The following ZNF793 variants were observed in gnomAD, a reference collection of about 807,000 sequenced individuals.
The protein encoded by ZNF793 is zinc finger protein 793.
In ZNF793, 5 loss-of-function variants were observed where a neutral mutation model predicts 12.4. The observed-to-expected ratio is 0.40, with a 90% CI of 0.21 to 0.84. The LOEUF is 0.84. ZNF793 is among the 40% of genes least tolerant of loss of function. The pLI is 0.35. For missense variants in ZNF793, 456 were observed against 495.0 expected, an observed-to-expected ratio of 0.92 and a Z score of 0.75; for synonymous variants, 162 against 172.4, an observed-to-expected ratio of 0.94 and a Z score of 0.47.
intron 2 of ZNF793, among the ~76,000 whole-genome samples, chr19:37,514,979 C>T (rs540623791): frequency 7.2e-4 from 109 of 152,306 alleles, no homozygotes; most frequent in Non-Finnish European, 1.4e-3. Context: ...AATTTGGATA[C>T]TTTCTTAACT....
intron 5 of ZNF793, among the ~76,000 whole-genome samples, chr19:37,526,802 G>A (rs1265916669): frequency 6.6e-6 from 1 of 152,206 alleles, no homozygotes; most frequent in Non-Finnish European, 1.5e-5. Flanking sequence ...TGCTCTCAGA[G>A]CCACTTCGGT....
At chr19:37,511,265 T>A (rs1016844461) in intron 2 of ZNF793, among the ~76,000 whole-genome samples, 9 of 152,232 alleles carry the variant, frequency 5.9e-5, no homozygotes, top group South Asian at 2.1e-4. Context: ...TCCACTTGAT[T>A]GACTCATATT....
intron 5 of ZNF793, among the ~76,000 whole-genome samples, chr19:37,527,631 C>T (rs574791517): frequency 6.6e-6 from 1 of 152,316 alleles, no homozygotes; most frequent in Non-Finnish European, 1.5e-5. Flanking sequence ...CCCCAATCCA[C>T]TGCTTTGCAT....
At chr19:37,528,624 C>G (rs1024638532) in intron 5 of ZNF793, among the ~76,000 whole-genome samples, 1 of 152,170 alleles carries the variant, frequency 6.6e-6, no homozygotes, top group African/African-American at 2.4e-5. Context: ...CCAGGACCTT[C>G]CTAGGCTGGT....
At chr19:37,516,375 T>C (rs112722485) in intron 2 of ZNF793, among the ~76,000 whole-genome samples, 1 of 152,190 alleles carries the variant, frequency 6.6e-6, no homozygotes, top group Admixed American at 6.5e-5. Context: ...CCTCAGGTGA[T>C]CTACCTGCCC....
intron 5 of ZNF793, among the ~76,000 whole-genome samples, chr19:37,532,082 C>T (rs1311074993): frequency 2.7e-5 from 4 of 149,422 alleles, no homozygotes; most frequent in South Asian, 2.1e-4. Context: ...GGTGCGATCT[C>T]GGCTCACTGC....
At chr19:37,533,179 G>C (rs1323262155) in intron 6 of ZNF793, 129 bp from the exon 7 acceptor site, 3 of 691,302 alleles carry the variant, frequency 4.3e-6, no homozygotes, top group African/African-American at 1.8e-5. Context: ...ATCCCATTTG[G>C]TTCTGGACAA....
chr19:37,529,829 C>T (rs1297058926), intron 5 of ZNF793, among the ~76,000 whole-genome samples: 1 of 152,118 alleles, frequency 6.6e-6, no homozygotes, highest in Non-Finnish European at 1.5e-5. Context: ...GGTTGCCCCT[C>T]CACACCTGTG....
intron 5 of ZNF793, among the ~76,000 whole-genome samples, chr19:37,531,163 T>G (rs1037587042): frequency 7.6e-6 from 1 of 131,764 alleles, no homozygotes. Flanking sequence ...CATTTCTTTT[T>G]TTTGTTTGTT....
At chr19:37,523,365 C>A in intron 4 of ZNF793, 45 bp from the exon 5 acceptor site, 1 of 1,469,102 alleles carries the variant, frequency 6.8e-7, no homozygotes, top group Non-Finnish European at 9.5e-7. Context: ...ACACTCTGTT[C>A]TCTGTTCTCT....
Position 37,537,457 on chromosome 19 carries a change from A to G in ZNF793, c.799A>G (p.Lys267Glu), listed in dbSNP as rs2042516086. The G allele has an allele frequency of 6.2e-7, 1 of 1,613,884 alleles. No individual in the cohort carries two copies. The highest frequency in any genetic ancestry group is 8.5e-7 in the Non-Finnish European group (1 of 1,179,838). Residue 267 changes from lysine to glutamate, a missense_variant, in exon 8 of 8, where the codon AAG (lysine) becomes GAG (glutamate). Transcript: ENST00000627814. ...TGACTGTGGGAAAGCCTTTTCACAT[A>G]AGTCAACCCTCATCAAACACCAGAG... ...CTDCGKAFSH[K>E]STLIKHQRIH...
chr19:37,536,265 A>G, intron 7 of ZNF793: 2 of 394,566 alleles, frequency 5.1e-6, no homozygotes, highest in Non-Finnish European at 8.9e-6. Flanking sequence ...CTGCTATACC[A>G]GTGCTTGTTA....
At position 37,536,876 on chromosome 19, in the gene ZNF793, G is replaced by A. The variant is rs759855759; in HGVS notation, c.239-21G>A. ...AAGTAGTATGAAGTTTCATAAGGATGATTCACTGTACTTTCTCCAGAAGAC... is the reference window on the plus strand; with the variant it reads ...AAGTAGTATGAAGTTTCATAAGGATAATTCACTGTACTTTCTCCAGAAGAC... On this transcript the variant is annotated intron_variant, in intron 7 of 7. Transcript: ENST00000627814. The A allele has an allele frequency of 8.9e-6, 14 of 1,574,470 alleles. No homozygotes were observed. In the Admixed American group the frequency reaches 2.1e-4, roughly 24 times the overall value.
At chr19:37,527,159 G>C (rs2042422386) in intron 5 of ZNF793, among the ~76,000 whole-genome samples, 1 of 152,068 alleles carries the variant, frequency 6.6e-6, no homozygotes. Flanking sequence ...CTGTTGGCCA[G>C]GGTGGTCTTG....
intron 3 of ZNF793, among the ~76,000 whole-genome samples, chr19:37,520,990 A>AT (rs746446667): frequency 1.3e-3 from 181 of 143,296 alleles, no homozygotes; most frequent in Non-Finnish European, 1.3e-3. Flanking sequence ...TGCCCGGCTA[A>AT]TTTTTTTTTT....
chr19:37,528,906 T>A (rs2042436495), intron 5 of ZNF793, among the ~76,000 whole-genome samples: 1 of 152,178 alleles, frequency 6.6e-6, no homozygotes, highest in Non-Finnish European at 1.5e-5. Context: ...TTTGTGCTGA[T>A]GCTCAGCATT....
chr19:37,536,887 C>A lies in ZNF793; in HGVS notation c.239-10C>A. On this transcript the variant is annotated splice_polypyrimidine_tract_variant and intron_variant, in intron 7 of 7. Coordinates refer to ENST00000627814, the MANE Select transcript of ZNF793 (RefSeq NM_001013659.3). ...AGTTTCATAAGGATGATTCACTGTA[C>A]TTTCTCCAGAAGACATCTGGCGAGT... is the stretch of plus-strand genomic sequence containing the variant. The A allele has an allele frequency of 6.3e-7, 1 of 1,587,530 alleles. No homozygotes were observed. The highest frequency in any genetic ancestry group is 8.5e-7 in the Non-Finnish European group (1 of 1,170,476).
intron 2 of ZNF793, among the ~76,000 whole-genome samples, chr19:37,509,623 AGCC>A (rs2042277619): frequency 6.6e-6 from 1 of 151,428 alleles, no homozygotes; most frequent in Non-Finnish European, 1.5e-5. Context: ...TGAAATAATA[AGCC>A]AGGGTAAGGA....
In ZNF793 at chr19:37,543,019, G is replaced by A. The variant is rs910534420; in HGVS notation, c.*5140G>A. 10 of 152,152 alleles carry A rather than the reference G, an allele frequency of 6.6e-5. No individual in the cohort carries two copies. The highest frequency in any genetic ancestry group is 2.4e-4 in the African/African-American group (10 of 41,426). The allele number at this position is 152,152 out of a possible 1,614,324, so 9.4% of individuals were successfully genotyped here. A position where few individuals can be genotyped will look rare whatever the true frequency, so the allele number is the denominator to read the frequency against. ...TGTGTGAGTTAGTAAATTTGGCTGG[G>A]GATGGGGGAGCTAGAATTTTGCTAA... is the stretch of plus-strand genomic sequence containing the variant. On this transcript the variant is annotated 3_prime_UTR_variant, in exon 8 of 8. Transcript: ENST00000627814.
Sources: allele counts gnomAD v4.1 joint callset (sites outside exome capture counted in the v4.1 genomes callset), GRCh38; gene constraint gnomAD v4.1.1; transcripts MANE v1.5; gene names NCBI Gene and HGNC (gene_info 2026-07-23, HGNC 2026-07-21).